The following TRAF5 variants were observed in gnomAD, a reference collection of about 807,000 sequenced individuals.
The protein encoded by TRAF5 is TNF receptor-associated factor 5.
TRAF5 carries 48 observed loss-of-function variants against 64.5 expected under a neutral mutation model. The observed-to-expected ratio is 0.74, with a 90% CI of 0.59 to 0.95. The LOEUF (loss-of-function observed/expected upper bound fraction) is 0.95. Among genes scored for constraint, TRAF5 ranks in the 40% least tolerant of loss-of-function variants. The pLI is 0.00. For missense variants in TRAF5, 545 were observed against 662.8 expected (o/e 0.82, Z 1.95); for synonymous variants, 206 against 240.5 (o/e 0.86, Z 1.33).
intron 7 of TRAF5, among the ~76,000 whole-genome samples, chr1:211,362,698 C>T (rs1471358618): frequency 6.6e-6 from 1 of 151,928 alleles, no homozygotes; most frequent in African/African-American, 2.4e-5. Flanking sequence ...AACGAAAAAA[C>T]CCCCCCAACA....
chr1:211,371,216 T>G (rs1391633347), intron 9 of TRAF5, 86 bp from the exon 10 acceptor site: 23 of 1,271,136 alleles, frequency 1.8e-5, no homozygotes, highest in Non-Finnish European at 2.2e-5. Flanking sequence ...ATGTGATATG[T>G]TTGAATTGAA....
At chr1:211,356,329 C>T in intron 3 of TRAF5, 38 bp from the exon 4 acceptor site, 1 of 1,561,316 alleles carries the variant, frequency 6.4e-7, no homozygotes, top group Non-Finnish European at 8.8e-7. Flanking sequence ...TGCTGTAAAA[C>T]TTTGAAGTGT....
intron 10 of TRAF5, among the ~76,000 whole-genome samples, chr1:211,371,826 A>G (rs997808594): frequency 2.0e-5 from 3 of 152,256 alleles, no homozygotes; most frequent in Non-Finnish European, 2.9e-5. Context: ...TTGGCCATTT[A>G]AAAGCATTCT....
At chr1:211,340,116 C>T (rs1702408118) in intron 1 of TRAF5, among the ~76,000 whole-genome samples, 1 of 152,102 alleles carries the variant, frequency 6.6e-6, no homozygotes, top group Non-Finnish European at 1.5e-5. Flanking sequence ...TTCAGAGTAC[C>T]CTGAGGCCAT....
At chr1:211,336,068 T>C (rs559220269) in intron 1 of TRAF5, among the ~76,000 whole-genome samples, 6 of 152,038 alleles carry the variant, frequency 3.9e-5, no homozygotes, top group African/African-American at 7.3e-5. Context: ...AGGTTTAAAA[T>C]CAACATTGAA....
chr1:211,365,246 A>G, intron 7 of TRAF5, 130 bp from the exon 8 acceptor site: 2 of 670,484 alleles, frequency 3.0e-6, no homozygotes. Context: ...ACCCACCTAG[A>G]GACTGGTGCG....
chr1:211,339,324 C>T (rs963051172), intron 1 of TRAF5, among the ~76,000 whole-genome samples: 1 of 152,188 alleles, frequency 6.6e-6, no homozygotes, highest in Non-Finnish European at 1.5e-5. Flanking sequence ...AGAAACCAAA[C>T]TGTGGATCTC....
intron 7 of TRAF5, 120 bp downstream of exon 7, chr1:211,361,282 G>C: frequency 1.2e-6 from 1 of 860,210 alleles, no homozygotes; most frequent in Non-Finnish European, 1.8e-6. Flanking sequence ...GAAATTTAAG[G>C]CTAATTATTT....
intron 4 of TRAF5, chr1:211,358,930 T>G (rs886374515): frequency 2.7e-5 from 4 of 150,250 alleles, no homozygotes; most frequent in Non-Finnish European, 5.9e-5. Context: ...AAATAACTTT[T>G]AAAATAAAAT....
chr1:211,332,788 A>G (rs1197542216), intron 1 of TRAF5, among the ~76,000 whole-genome samples: 1 of 152,162 alleles, frequency 6.6e-6, no homozygotes, highest in Non-Finnish European at 1.5e-5. Context: ...AAAGATGAAG[A>G]ACATTTTAGT....
At chr1:211,361,337 T>C (rs184678256) in intron 7 of TRAF5, among the ~76,000 whole-genome samples, 175 bp downstream of exon 7, 1 of 152,182 alleles carries the variant, frequency 6.6e-6, no homozygotes, top group African/African-American at 2.4e-5. Context: ...TATACATATA[T>C]AGAGAGATTT....
chr1:211,330,355 AT>A (rs549765421), intron 1 of TRAF5, among the ~76,000 whole-genome samples: 3 of 148,774 alleles, frequency 2.0e-5, no homozygotes, highest in Non-Finnish European at 4.4e-5. Flanking sequence ...ACATTCCTGA[AT>A]TTTTTTCCAT....
intron 7 of TRAF5, 71 bp from the exon 8 acceptor site, chr1:211,365,305 G>T: frequency 7.8e-7 from 1 of 1,286,256 alleles, no homozygotes; most frequent in South Asian, 1.3e-5. Flanking sequence ...TATTTTAGCA[G>T]AATATCCTAC....
At chr1:211,360,876 A>AG in intron 6 of TRAF5, 97 bp downstream of exon 6, 2 of 1,206,296 alleles carry the variant, frequency 1.7e-6, no homozygotes, top group Non-Finnish European at 2.4e-6. Flanking sequence ...ATAAGGGCCC[A>AG]GGGCTTAAAT....
rs533001128 is a variant in TRAF5 at position 211,354,181 on chromosome 1, C to T, written c.219-229C>T. Among the ~76,000 whole-genome samples the T allele has an allele frequency of 2.6e-5, 4 of 152,288 alleles. No homozygotes were observed. In the South Asian group the frequency reaches 8.3e-4, roughly 32 times the overall value. On this transcript the variant is annotated intron_variant, in intron 2 of 10. Coordinates refer to ENST00000261464, the MANE Select transcript of TRAF5 (RefSeq NM_001033910.3). ...GGGGGCATTCAGCTCTGTCCAGGGA[C>T]TCACTGACTGCATCCCAGAGGTTGC...
intron 4 of TRAF5, chr1:211,358,492 A>AC (rs1558143121): frequency 6.4e-5 from 5 of 78,408 alleles, no homozygotes; most frequent in Admixed American, 1.5e-4. Flanking sequence ...AAAAAAAAAC[A>AC]AAAAAAAACC....
intron 1 of TRAF5, among the ~76,000 whole-genome samples, chr1:211,345,890 G>A (rs986987701): frequency 1.3e-5 from 2 of 152,190 alleles, no homozygotes; most frequent in South Asian, 2.1e-4. Context: ...CCTCTCATTG[G>A]CTGAACCTAA....
At chr1:211,352,098 G>A (rs374701589) in intron 1 of TRAF5, among the ~76,000 whole-genome samples, 4 of 152,078 alleles carry the variant, frequency 2.6e-5, no homozygotes, top group African/African-American at 9.7e-5. Context: ...GTGGTAGTCC[G>A]TTTTCATGCT....
At chr1:211,348,551 C>G (rs1023378557) in intron 1 of TRAF5, among the ~76,000 whole-genome samples, 1 of 151,804 alleles carries the variant, frequency 6.6e-6, no homozygotes, top group South Asian at 2.1e-4. Context: ...AAGTCATTGT[C>G]AAACTCAAGA....
Sources: allele counts gnomAD v4.1 joint callset (sites outside exome capture counted in the v4.1 genomes callset), GRCh38; gene constraint gnomAD v4.1.1; transcripts MANE v1.5; gene names NCBI Gene and HGNC (gene_info 2026-07-23, HGNC 2026-07-21).